ALG6: variants seen among roughly 807,000 people sequenced by gnomAD.
The protein encoded by ALG6 is dolichyl pyrophosphate Man9GlcNAc2 alpha-1,3-glucosyltransferase.
Under a neutral mutation model 66.6 loss-of-function variants are expected in ALG6, and 46 were observed. The ratio of observed to expected loss-of-function variants is 0.69; its 90% CI spans 0.55 to 0.88. ALG6 has a LOEUF of 0.88. Ranked by LOEUF, ALG6 falls within the 40% of genes least tolerant of loss-of-function variation. ALG6 has a pLI of 0.00. For synonymous variants in ALG6, 185 were observed against 203.7 expected (o/e 0.91, Z 0.78); for missense variants, 505 against 586.8 (o/e 0.86, Z 1.44).
At position 63,402,318 on chromosome 1, in the gene ALG6, TATC is replaced by T. The variant is rs1297610094; in HGVS notation, c.235_237del (p.His79del). ...ATTGGATTACCCACCTCTTACAGCT[TATC>T]ATAGTCTCCTATGTGCATATGTGTA... On this transcript the variant is annotated inframe_deletion, in exon 4 of 15. Transcript: ENST00000263440. 4 of 1,611,178 alleles carry T rather than the reference TATC, an allele frequency of 2.5e-6. No homozygotes were observed. The highest frequency in any genetic ancestry group is 3.4e-6 in the Non-Finnish European group (4 of 1,177,530).
At chr1:63,386,307 T>C (rs901289865) in intron 2 of ALG6, among the ~76,000 whole-genome samples, 2 of 152,094 alleles carry the variant, frequency 1.3e-5, no homozygotes, top group African/African-American at 4.8e-5. Flanking sequence ...TTCTCTGGTG[T>C]TGTTATTAGG....
In ALG6 at chr1:63,407,102, T is replaced by C. The variant is rs768049817; in HGVS notation, c.470T>C (p.Ile157Thr). ...TGCATCTTGCTGTATCCAGGCCTTATTCTTATAGACTATGGACATTTTCAG... is the reference window on the plus strand; with the variant it reads ...TGCATCTTGCTGTATCCAGGCCTTACTCTTATAGACTATGGACATTTTCAG... ...ALCILLYPGLILIDYGHFQYN... is the reference protein window; with the variant it reads ...ALCILLYPGLTLIDYGHFQYN... Residue 157 changes from isoleucine (I) to threonine (T), a missense_variant, in exon 7 of 15, where the codon ATT becomes ACT. Ile to Thr is a moderately conservative substitution (Grantham distance 89). Coordinates refer to ENST00000263440, the MANE Select transcript of ALG6 (RefSeq NM_013339.4). 1.9e-6 allele frequency: 3 copies of C among 1,609,130 alleles called. No homozygotes were observed. Among genetic ancestry groups the C allele is most frequent in the Admixed American group, 1.7e-5 (1 of 60,000 alleles).
At chr1:63,414,012 T>G in intron 9 of ALG6, 49 bp from the exon 10 acceptor site, 1 of 1,420,072 alleles carries the variant, frequency 7.0e-7, no homozygotes, top group Non-Finnish European at 9.9e-7. Context: ...TGGGTTTTAA[T>G]ATTTCTTTCA....
At chr1:63,428,491 A>G (rs564345290) in intron 12 of ALG6, 5 of 342,352 alleles carry the variant, frequency 1.5e-5, no homozygotes, top group African/African-American at 6.4e-5. Flanking sequence ...AGTTCCATTA[A>G]CGGCATACTG....
chr1:63,403,849 A>G (rs997854738), intron 4 of ALG6, among the ~76,000 whole-genome samples: 5 of 152,166 alleles, frequency 3.3e-5, no homozygotes, highest in African/African-American at 9.7e-5. Context: ...TTATGGGATC[A>G]TTGTCCTACA....
intron 12 of ALG6, among the ~76,000 whole-genome samples, chr1:63,426,629 G>A (rs773240269): frequency 2.0e-5 from 3 of 151,840 alleles, no homozygotes; most frequent in South Asian, 2.1e-4. Flanking sequence ...CTGCAGCCTC[G>A]GACTCCTGGG....
chr1:63,381,175 C>T (rs1360559667), intron 2 of ALG6, among the ~76,000 whole-genome samples: 3 of 152,022 alleles, frequency 2.0e-5, no homozygotes, highest in East Asian at 1.9e-4. Context: ...CAAAAATTGG[C>T]CAGGCGCGGT....
chr1:63,380,834 C>T (rs1648276632), intron 2 of ALG6, among the ~76,000 whole-genome samples: 1 of 152,160 alleles, frequency 6.6e-6, no homozygotes, highest in Non-Finnish European at 1.5e-5. Flanking sequence ...GAAAACAGGA[C>T]TCCAGCTACT....
chr1:63,404,597 A>C, intron 5 of ALG6, 56 bp downstream of exon 5: 1 of 1,422,596 alleles, frequency 7.0e-7, no homozygotes, highest in Non-Finnish European at 9.9e-7. Flanking sequence ...ATTTTGGACA[A>C]ACTGGTAAAG....
In ALG6 at chr1:63,406,386, C is replaced by T; in HGVS notation, c.416C>T (p.Ser139Leu). 1 of 1,612,928 alleles carries T rather than the reference C, an allele frequency of 6.2e-7. No homozygotes were observed. The highest frequency in any genetic ancestry group is 8.5e-7 in the Non-Finnish European group (1 of 1,179,282). Reference protein sequence around the residue: ...VLYCCCLKEISTKKKIANALC... With the variant: ...VLYCCCLKEILTKKKIANALC... ...TACTGTTGTTGCTTAAAAGAAATCTCAACTAAGAAAAAGGTAGGTTTTCAA... is the reference window on the plus strand; with the variant it reads ...TACTGTTGTTGCTTAAAAGAAATCTTAACTAAGAAAAAGGTAGGTTTTCAA... The change falls in exon 6 of 15, where the codon TCA becomes TTA. Residue 139 changes from serine to leucine, a missense_variant. Coordinates refer to ENST00000263440, the MANE Select transcript of ALG6 (RefSeq NM_013339.4).
At chr1:63,377,775 C>T (rs1484082599) in intron 2 of ALG6, among the ~76,000 whole-genome samples, 1 of 152,012 alleles carries the variant, frequency 6.6e-6, no homozygotes, top group Non-Finnish European at 1.5e-5. Flanking sequence ...ACTCTATTGC[C>T]CAAGCTCAAG....
intron 2 of ALG6, among the ~76,000 whole-genome samples, chr1:63,374,628 CAAA>C (rs5774649): frequency 6.9e-6 from 1 of 145,784 alleles, no homozygotes. Context: ...ACTCTGTCTC[CAAA>C]AAAAAAAAAG....
Position 63,411,169 on chromosome 1 carries a change from T to C in ALG6, c.518T>C (p.Phe173Ser). The change falls in exon 8 of 15, where the codon TTT becomes TCT. Residue 173 changes from phenylalanine (F) to serine (S), a missense_variant. Transcript: ENST00000263440. ...HFQYNSVSLG[F>S]ALWGVLGISC... is the part of the protein sequence containing the mutation. ...ATATATAATTCTGTGAGTCTTGGCT[T>C]TGCTTTGTGGGGTGTTCTTGGAATA... The C allele has an allele frequency of 6.2e-7, 1 of 1,613,872 alleles. No homozygotes were observed. The highest frequency in any genetic ancestry group is 8.5e-7 in the Non-Finnish European group (1 of 1,179,866).
intron 3 of ALG6, among the ~76,000 whole-genome samples, chr1:63,399,296 C>G (rs1644431747): frequency 6.6e-6 from 1 of 152,266 alleles, no homozygotes; most frequent in Non-Finnish European, 1.5e-5. Flanking sequence ...CAGAATATTA[C>G]ATGTACGTGA....
chr1:63,404,015 A>G (rs1323146829), intron 4 of ALG6, among the ~76,000 whole-genome samples: 3 of 152,154 alleles, frequency 2.0e-5, no homozygotes, highest in Non-Finnish European at 4.4e-5. Context: ...TTCATTTAAC[A>G]ATTGTGTTTA....
In ALG6 at chr1:63,373,357, TG is replaced by T. The variant is rs1418125909; in HGVS notation, c.82+2304del. ...TCTTTTCTCTTAAAACATTTTTTTT[TG>T]GGGGGAGGCTAAGGTGGGTGGATTG... is the stretch of plus-strand genomic sequence containing the variant. On this transcript the variant is annotated intron_variant, in intron 2 of 14. Transcript: ENST00000263440. Among the ~76,000 whole-genome samples the T allele has an allele frequency of 5.0e-4, 75 of 150,606 alleles. 2 individuals carry two copies. In the East Asian group the frequency reaches 0.014, roughly 29 times the overall value.
chr1:63,406,460 T>A, intron 6 of ALG6, 61 bp downstream of exon 6: 1 of 1,395,606 alleles, frequency 7.2e-7, no homozygotes, highest in Non-Finnish European at 1.0e-6. Flanking sequence ...AGTCTAACTA[T>A]TAAGTATAGA....
In ALG6 at chr1:63,433,780, C is replaced by T. The variant is rs1644661036; in HGVS notation, c.1327-3043C>T. Reference sequence around the variant, plus strand: ...ACCAAAACTAACAGAAATCCCTGCTCCCATGGAGGTTGCATTCTAGTGGAG... The same window carrying T: ...ACCAAAACTAACAGAAATCCCTGCTTCCATGGAGGTTGCATTCTAGTGGAG... On this transcript the variant is annotated intron_variant, in intron 14 of 14. Coordinates refer to ENST00000263440, the MANE Select transcript of ALG6 (RefSeq NM_013339.4). The surrounding 1 kb of genome is among the most constrained non-coding windows in gnomAD (Gnocchi z 4.2). Among the ~76,000 whole-genome samples the T allele has an allele frequency of 6.6e-6, 1 of 152,152 alleles. No homozygotes were observed. The highest frequency in any genetic ancestry group is 2.4e-5 in the African/African-American group (1 of 41,432).
intron 2 of ALG6, among the ~76,000 whole-genome samples, chr1:63,386,784 C>G (rs1648516930): frequency 2.0e-5 from 3 of 151,908 alleles, no homozygotes; most frequent in Non-Finnish European, 4.4e-5. Context: ...GATCTTTCAA[C>G]TTCGTTTATT....
Sources: allele counts gnomAD v4.1 joint callset (sites outside exome capture counted in the v4.1 genomes callset), GRCh38; gene constraint gnomAD v4.1.1; non-coding constraint Gnocchi (gnomAD v3.1); transcripts MANE v1.5; gene names NCBI Gene and HGNC (gene_info 2026-07-23, HGNC 2026-07-21).